SCUBE2: variants seen among roughly 807,000 people sequenced by gnomAD.
SCUBE2 encodes signal peptide, CUB and EGF-like domain-containing protein 2.
SCUBE2 carries 114 observed loss-of-function variants against 125.9 expected under a neutral mutation model. That is an observed-to-expected ratio of 0.91 (90% CI 0.78 to 1.06). The LOEUF is 1.06. SCUBE2 is among the 50% of genes least tolerant of loss of function. The pLI is 0.00. For missense variants in SCUBE2, 1,255 were observed against 1,301.8 expected (o/e 0.96, Z 0.55); for synonymous variants, 459 against 492.9 (o/e 0.93, Z 0.91).
chr11:9,023,333 C>T (rs910691715), intron 21 of SCUBE2, among the ~76,000 whole-genome samples: 1 of 152,226 alleles, frequency 6.6e-6, no homozygotes, highest in Non-Finnish European at 1.5e-5. Context: ...GATATGTTTA[C>T]AATAGCATTG....
intron 2 of SCUBE2, among the ~76,000 whole-genome samples, chr11:9,082,093 C>T (rs766020147): frequency 6.6e-6 from 1 of 152,160 alleles, no homozygotes; most frequent in African/African-American, 2.4e-5. Context: ...TCAGAGATGT[C>T]GAACATCTTT....
intron 21 of SCUBE2, among the ~76,000 whole-genome samples, chr11:9,024,655 C>T (rs144581344): frequency 3.4e-4 from 52 of 152,312 alleles, no homozygotes; most frequent in African/African-American, 1.2e-3. Flanking sequence ...TAAGACCATT[C>T]GTCAGTCCAC....
In SCUBE2 at chr11:9,064,258, G is replaced by C. The variant is rs529081868; in HGVS notation, c.850+1633C>G. Among the ~76,000 whole-genome samples, 3 of 152,270 alleles carry C rather than the reference G, an allele frequency of 2.0e-5. No individual in the cohort carries two copies. In the East Asian group the frequency reaches 5.8e-4, roughly 29 times the overall value. On this transcript the variant is annotated intron_variant, in intron 7 of 22. Coordinates refer to ENST00000649792, the MANE Select transcript of SCUBE2 (RefSeq NM_001367977.2). ...AAGGTAGGCAGATCGCTAGAGCCCA[G>C]GAGTTCGAGACCAGCCTGGGCAACA...
intron 19 of SCUBE2, among the ~76,000 whole-genome samples, chr11:9,028,922 GA>G (rs1462782717): frequency 6.6e-6 from 1 of 152,178 alleles, no homozygotes; most frequent in Non-Finnish European, 1.5e-5. Context: ...AGGTATTCAA[GA>G]AGAGACTAGA....
chr11:9,030,496 G>C (rs1224452724), intron 18 of SCUBE2, among the ~76,000 whole-genome samples: 1 of 152,128 alleles, frequency 6.6e-6, no homozygotes, highest in Non-Finnish European at 1.5e-5. Flanking sequence ...AGGAACCAGG[G>C]GAACCTGTGT....
intron 9 of SCUBE2, chr11:9,057,251 T>G (rs1308138055): frequency 6.6e-6 from 1 of 152,214 alleles, no homozygotes; most frequent in Non-Finnish European, 1.5e-5. Flanking sequence ...TCAACAGTAT[T>G]GCCTGCTCTA....
At chr11:9,083,829 T>A (rs1861851372) in intron 2 of SCUBE2, among the ~76,000 whole-genome samples, 1 of 152,170 alleles carries the variant, frequency 6.6e-6, no homozygotes, top group Non-Finnish European at 1.5e-5. Flanking sequence ...CGTGAGCCAC[T>A]GCATCCGGCC....
At chr11:9,068,629 G>C (rs1465827395) in intron 5 of SCUBE2, among the ~76,000 whole-genome samples, 1 of 152,202 alleles carries the variant, frequency 6.6e-6, no homozygotes, top group Non-Finnish European at 1.5e-5. Context: ...GAGGATGGTA[G>C]CATGGGATTA....
At chr11:9,055,989 T>G in intron 9 of SCUBE2, 80 bp from the exon 10 acceptor site, 1 of 1,078,322 alleles carries the variant, frequency 9.3e-7, no homozygotes, top group Non-Finnish European at 1.4e-6. Flanking sequence ...AAATACCAGT[T>G]GCTGACCAAC....
chr11:9,035,127 A>C (rs1160702054), intron 16 of SCUBE2, among the ~76,000 whole-genome samples: 1 of 152,244 alleles, frequency 6.6e-6, no homozygotes, highest in Non-Finnish European at 1.5e-5. Context: ...ATGAATATGA[A>C]GCAAACATAC....
intron 16 of SCUBE2, among the ~76,000 whole-genome samples, chr11:9,043,547 A>T (rs1857428753): frequency 6.6e-6 from 1 of 152,162 alleles, no homozygotes; most frequent in Non-Finnish European, 1.5e-5. Context: ...AAAGTCCCCA[A>T]ATGCCAAATT....
Position 9,091,025 on chromosome 11 carries a change from C to T in SCUBE2, c.133+371G>A, listed in dbSNP as rs74052399. ...AAACGGCAAAGCTGCCACCGCCTCG[C>T]GGATGTGCCCGGCCCGGCCCTCAGT... On this transcript the variant is annotated intron_variant, in intron 1 of 22. Coordinates refer to ENST00000649792, the MANE Select transcript of SCUBE2 (RefSeq NM_001367977.2). This position sits in a 1 kb window ranked among gnomAD's most constrained non-coding sequence, Gnocchi z 8.5. Among the ~76,000 whole-genome samples, 35,794 of 152,170 alleles carry T rather than the reference C, an allele frequency of 0.24. 4,550 individuals are homozygous for T. The highest frequency in any genetic ancestry group is 0.31 in the African/African-American group (13,012 of 41,508).
At chr11:9,037,114 G>A (rs1204655391) in intron 16 of SCUBE2, among the ~76,000 whole-genome samples, 1 of 152,222 alleles carries the variant, frequency 6.6e-6, no homozygotes, top group Non-Finnish European at 1.5e-5. Flanking sequence ...AGGGATGCCT[G>A]AAAACCGCTC....
intron 2 of SCUBE2, among the ~76,000 whole-genome samples, chr11:9,085,455 G>A (rs577241436): frequency 1.5e-4 from 23 of 152,224 alleles, no homozygotes; most frequent in Admixed American, 5.2e-4. Flanking sequence ...GGCTGGGTGC[G>A]GTGGCTCATG....
intron 2 of SCUBE2, among the ~76,000 whole-genome samples, chr11:9,081,977 A>G (rs1449053046): frequency 1.3e-5 from 2 of 152,208 alleles, no homozygotes; most frequent in East Asian, 3.8e-4. Flanking sequence ...CAATTTTTCC[A>G]CATCCTCACA....
chr11:9,089,649 G>C, intron 2 of SCUBE2, 58 bp downstream of exon 2: 1 of 1,589,018 alleles, frequency 6.3e-7, no homozygotes, highest in Non-Finnish European at 8.6e-7. Context: ...GCCACTGCAA[G>C]AGCTAAGGAG....
Position 9,027,370 on chromosome 11 carries a change from T to C in SCUBE2, c.2695A>G (p.Lys899Glu). The change falls in exon 20 of 23, where the codon AAA (lysine) becomes GAA (glutamate). Residue 899 changes from lysine (K) to glutamate (E), a missense_variant. Around this residue, in one of 3 missense-constraint regions of SCUBE2, gnomAD observed 515 missense variants for 515.7 expected, o/e 1.00. Transcript: ENST00000649792. ...DDCGDYLVMR[K>E]TSSSNSVTTY... ...GGGAGGGAGTGAGACGCACAGGTTT[T>C]CCGCATCACCAGATAGTCCCCACAG... 1.2e-6 allele frequency: 2 copies of C among 1,613,940 alleles called. No individual in the cohort carries two copies. Among genetic ancestry groups the C allele is most frequent in the Non-Finnish European group, 8.5e-7 (1 of 1,179,950 alleles).
Position 9,020,938 on chromosome 11 carries a change from G to A in SCUBE2, c.*107C>T. On this transcript the variant is annotated 3_prime_UTR_variant, in exon 23 of 23. Coordinates refer to ENST00000649792, the MANE Select transcript of SCUBE2 (RefSeq NM_001367977.2). The stretch of plus-strand genomic sequence containing the variant: ...AAAAATTGAACTCTAATGAGTCACT[G>A]ATACGGGAGGCAGCAATACCCGACT... The A allele has an allele frequency of 1.0e-6, 1 of 977,488 alleles. No homozygotes were observed. The highest frequency in any genetic ancestry group is 2.3e-5 in the South Asian group (1 of 43,286). The allele number at this position is 977,488 out of a possible 1,614,324, so 60.6% of individuals were successfully genotyped here.
chr11:9,077,692 C>G (rs58313329), intron 3 of SCUBE2, among the ~76,000 whole-genome samples: 1 of 152,188 alleles, frequency 6.6e-6, no homozygotes. Context: ...ACTTCATTTT[C>G]TTGTGCCTTC....
Sources: allele counts gnomAD v4.1 joint callset (sites outside exome capture counted in the v4.1 genomes callset), GRCh38; gene constraint gnomAD v4.1.1; regional missense constraint gnomAD v4.1.1; non-coding constraint Gnocchi (gnomAD v3.1); transcripts MANE v1.5; gene names NCBI Gene and HGNC (gene_info 2026-07-23, HGNC 2026-07-21).